TMPRSS6: variants seen among roughly 807,000 people sequenced by gnomAD.
TMPRSS6 encodes transmembrane protease serine 6.
Under a neutral mutation model 101.5 loss-of-function variants are expected in TMPRSS6, and 67 were observed. The ratio of observed to expected loss-of-function variants is 0.66; its 90% CI spans 0.54 to 0.81. The LOEUF is 0.81. TMPRSS6 is among the 30% of genes least tolerant of loss of function. The pLI is 0.00. For missense variants in TMPRSS6, 1,034 were observed against 1,088.7 expected, an observed-to-expected ratio of 0.95 and a Z score of 0.71; for synonymous variants, 453 against 464.9, an observed-to-expected ratio of 0.97 and a Z score of 0.33.
chr22:37,083,527 G>A, intron 10 of TMPRSS6, among the ~76,000 whole-genome samples: 1 of 152,344 alleles, frequency 6.6e-6, no homozygotes, highest in South Asian at 2.1e-4. Context: ...ATGAAAACCT[G>A]TCCATACACC....
rs762436761 is a variant in TMPRSS6, at chr22:37,086,353, G to A, written c.903C>T (p.Val301=). 103 of 1,612,532 alleles carry A rather than the reference G, an allele frequency of 6.4e-5. No homozygotes were observed. The highest frequency in any genetic ancestry group is 1.2e-4 in the Admixed American group (7 of 59,936). ...EVLASGAIMA[V]VWKKGLHSYY... is the part of the protein sequence containing the mutation. Reference sequence around the variant, plus strand: ...AGCTGTGCAGGCCCTTCTTCCAGACGACCGCCATGATGGCCCCCGACGCCA... The same window carrying A: ...AGCTGTGCAGGCCCTTCTTCCAGACAACCGCCATGATGGCCCCCGACGCCA... The change falls in exon 8 of 18, where the codon GTC becomes GTT. Residue 301 remains valine (V), a synonymous_variant. Transcript: ENST00000676104.
intron 10 of TMPRSS6, among the ~76,000 whole-genome samples, chr22:37,076,003 G>A (rs1446561952): frequency 2.1e-5 from 3 of 144,006 alleles, no homozygotes; most frequent in Non-Finnish European, 4.5e-5. Context: ...AAGAAAGGAA[G>A]AAAGAAAGAA....
At chr22:37,087,737 A>G (rs2146117677) in intron 7 of TMPRSS6, among the ~76,000 whole-genome samples, 1 of 152,048 alleles carries the variant, frequency 6.6e-6, no homozygotes, top group African/African-American at 2.4e-5. Context: ...CTTCCCTGGG[A>G]GGTGGGAGAT....
chr22:37,081,521 C>T (rs140765551), intron 10 of TMPRSS6, among the ~76,000 whole-genome samples: 2 of 152,140 alleles, frequency 1.3e-5, no homozygotes, highest in East Asian at 1.9e-4. Context: ...AGATTGGGGC[C>T]CTGGGCTGGC....
chr22:37,107,763 G>A (rs1413810052), intron 1 of TMPRSS6, among the ~76,000 whole-genome samples: 1 of 152,098 alleles, frequency 6.6e-6, no homozygotes, highest in Middle Eastern at 3.2e-3. Flanking sequence ...TGGCCTCGTG[G>A]CTCCCTCCTT....
intron 10 of TMPRSS6, chr22:37,080,332 T>C (rs909043924): frequency 6.6e-6 from 1 of 152,270 alleles, no homozygotes; most frequent in Non-Finnish European, 1.5e-5. Context: ...GCTTAGTCCA[T>C]GGGGGGCCCA....
At chr22:37,082,141 G>A (rs1928320113) in intron 10 of TMPRSS6, among the ~76,000 whole-genome samples, 1 of 152,180 alleles carries the variant, frequency 6.6e-6, no homozygotes, top group African/African-American at 2.4e-5. Flanking sequence ...GGGGGTATGG[G>A]AGAGACCCCA....
At chr22:37,068,542 AGAGCAG>A (rs1926547222) in intron 16 of TMPRSS6, 1 of 773,398 alleles carries the variant, frequency 1.3e-6, no homozygotes. Flanking sequence ...AGTAGCAGGA[AGAGCAG>A]GGGCTCTGGA....
chr22:37,096,871 G>A (rs568425971), intron 3 of TMPRSS6, among the ~76,000 whole-genome samples, 156 bp from the exon 4 acceptor site: 1 of 152,254 alleles, frequency 6.6e-6, no homozygotes, highest in African/African-American at 2.4e-5. Context: ...GTGCTGAGTG[G>A]CCGGGCCGGG....
intron 7 of TMPRSS6, 85 bp downstream of exon 7, chr22:37,089,492 TA>T: frequency 7.4e-7 from 1 of 1,348,034 alleles, no homozygotes; most frequent in Non-Finnish European, 1.0e-6. Flanking sequence ...CTCCCTTGTC[TA>T]AGAATGCTGT....
rs1926605140 is a variant in TMPRSS6, at chr22:37,069,054, G to GC, written c.2113+18dup. On this transcript the variant is annotated intron_variant, in intron 16 of 17. Transcript: ENST00000676104. The surrounding 1 kb of genome is among the most constrained non-coding windows in gnomAD (Gnocchi z 4.8). ...GCACGGTCTCCCTCCGCCTCCCGCC[G>GC]CAAGTCCCCGCTGCTCACCGCCCTC... 9 of 1,536,284 alleles carry GC rather than the reference G, an allele frequency of 5.9e-6. No individual in the cohort carries two copies. Among genetic ancestry groups the GC allele is most frequent in the Non-Finnish European group, 7.8e-6 (9 of 1,147,148 alleles).
intron 12 of TMPRSS6, among the ~76,000 whole-genome samples, chr22:37,074,044 C>A (rs1601526680): frequency 6.6e-6 from 1 of 152,190 alleles, no homozygotes; most frequent in East Asian, 1.9e-4. Context: ...CCACTGCGCC[C>A]GGCCTCTTTC....
intron 9 of TMPRSS6, 33 bp from the exon 10 acceptor site, chr22:37,084,437 A>T: frequency 6.5e-7 from 1 of 1,544,028 alleles, no homozygotes; most frequent in Non-Finnish European, 8.9e-7. Context: ...CAGGTGGCCC[A>T]TGGGGTGTGG....
intron 1 of TMPRSS6, among the ~76,000 whole-genome samples, chr22:37,106,970 G>A (rs950631898): frequency 1.3e-5 from 2 of 152,220 alleles, no homozygotes; most frequent in African/African-American, 4.8e-5. Context: ...CTTGGCTTTG[G>A]GTCTTGCCTC....
intron 10 of TMPRSS6, chr22:37,082,846 T>C (rs1205508010): frequency 2.5e-6 from 1 of 402,842 alleles, no homozygotes; most frequent in African/African-American, 2.1e-5. Flanking sequence ...GATCATGCCA[T>C]GAGTATTTCT....
At chr22:37,098,134 G>T (rs920353578) in intron 3 of TMPRSS6, among the ~76,000 whole-genome samples, 1 of 151,880 alleles carries the variant, frequency 6.6e-6, no homozygotes, top group Non-Finnish European at 1.5e-5. Flanking sequence ...GGGCAGGAGC[G>T]GGCCCTCAAT....
At chr22:37,083,824 T>C (rs9607411) in intron 10 of TMPRSS6, 7,063 of 297,174 alleles carry the variant, frequency 0.024, 194 homozygotes, top group Admixed American at 0.081. Context: ...ATGATTTCCA[T>C]GTTACCCTGT....
chr22:37,108,185 A>T (rs1211200470), intron 1 of TMPRSS6, among the ~76,000 whole-genome samples: 70 of 152,184 alleles, frequency 4.6e-4, no homozygotes, highest in Non-Finnish European at 1.5e-5. Flanking sequence ...AGCCGGCACC[A>T]AGAGCCCTCG....
chr22:37,082,738 A>G (rs1928366470), intron 10 of TMPRSS6: 1 of 354,402 alleles, frequency 2.8e-6, no homozygotes, highest in African/African-American at 2.2e-5. Context: ...GCATATCACC[A>G]CCAAATGCAA....
Sources: gnomAD v4.1 joint callset for allele counts (sites outside exome capture counted in the v4.1 genomes callset) on GRCh38, gnomAD v4.1.1 for gene constraint, Gnocchi (gnomAD v3.1) non-coding constraint, MANE v1.5 for transcripts, NCBI Gene and HGNC (gene_info 2026-07-23, HGNC 2026-07-21) for gene names.